CRLF2: variants seen among roughly 807,000 people sequenced by gnomAD.
CRLF2 encodes cytokine receptor like factor 2.
A neutral mutation model predicts 38.7 loss-of-function variants in CRLF2; 41 were observed. The ratio of observed to expected loss-of-function variants is 1.06; its 90% CI spans 0.83 to 1.37. The LOEUF (loss-of-function observed/expected upper bound fraction) is 1.37. Among genes scored for constraint, CRLF2 ranks in the 40% most tolerant of loss-of-function variants. The pLI is 0.00. For missense variants in CRLF2, 377 were observed against 322.2 expected, an observed-to-expected ratio of 1.17 and a Z score of -1.30; for synonymous variants, 140 against 128.8, an observed-to-expected ratio of 1.09 and a Z score of -0.59.
rs768665882 is a variant in CRLF2, at chrX:1,200,510, CAT to C, written c.484-1788_484-1787del. On this transcript the variant is annotated intron_variant, in intron 4 of 7. Coordinates refer to ENST00000400841, the MANE Select transcript of CRLF2 (RefSeq NM_022148.4). ...GCTGTGTATATAAGGTGCATATATA[CAT>C]ATATATACGTGTATATAAGCTGTGT... Among the ~76,000 whole-genome samples the C allele has an allele frequency of 8.0e-3, 1,194 of 149,356 alleles. 11 individuals carry two copies. The highest frequency in any genetic ancestry group is 0.026 in the African/African-American group (1,039 of 40,530).
At chrX:1,194,497 C>T (rs1485373457) in intron 6 of CRLF2, among the ~76,000 whole-genome samples, 5 of 152,030 alleles carry the variant, frequency 3.3e-5, no homozygotes, top group South Asian at 4.2e-4. Context: ...TAAGGTGTGA[C>T]GGACAGTGAG....
chrX:1,206,469 G>A lies in CRLF2; in HGVS notation c.313C>T (p.Pro105Ser), dbSNP rs1271369285. The A allele has an allele frequency of 6.2e-7, 1 of 1,613,566 alleles. No homozygotes were observed. The highest frequency in any genetic ancestry group is 1.3e-5 in the African/African-American group (1 of 74,998). The change falls in exon 3 of 8, where the codon CCC becomes TCC. Residue 105 changes from proline (P) to serine (S), a missense_variant. Transcript: ENST00000400841. Reference protein sequence around the residue: ...LYFSIRNGTHPVFTASRWMVY... With the variant: ...LYFSIRNGTHSVFTASRWMVY... The stretch of plus-strand genomic sequence containing the variant: ...ATCCAGCGACTTGCGGTGAAAACGG[G>A]GTGCGTCCCATTCCTGATGGAGAAA...
intron 1 of CRLF2, among the ~76,000 whole-genome samples, chrX:1,211,325 ATGGATGTATTG>A (rs2086795183): frequency 6.9e-6 from 1 of 144,192 alleles, no homozygotes; most frequent in Non-Finnish European, 1.5e-5. Context: ...GCATGGATAG[ATGGATGTATTG>A]GTGGGTGGAT....
At chrX:1,198,803 G>T in intron 4 of CRLF2, 79 bp from the exon 5 acceptor site, 1 of 1,336,740 alleles carries the variant, frequency 7.5e-7, no homozygotes, top group Admixed American at 2.0e-5. Context: ...GATGTAACCT[G>T]TCTGTCCAGA....
At chrX:1,208,466 G>A (rs1169534498) in intron 2 of CRLF2, among the ~76,000 whole-genome samples, 1 of 152,158 alleles carries the variant, frequency 6.6e-6, no homozygotes, top group Non-Finnish European at 1.5e-5. Context: ...GGCTGAGGCA[G>A]GGGAATGGCT....
At chrX:1,194,012 C>T (rs1328351178) in intron 6 of CRLF2, among the ~76,000 whole-genome samples, 1 of 151,726 alleles carries the variant, frequency 6.6e-6, no homozygotes, top group Non-Finnish European at 1.5e-5. Flanking sequence ...GTAATCCCAG[C>T]TACTTGGGAT....
At chrX:1,198,921 G>C in intron 4 of CRLF2, 197 bp from the exon 5 acceptor site, 2 of 620,134 alleles carry the variant, frequency 3.2e-6, no homozygotes, top group South Asian at 1.9e-5. Context: ...GGCTGAGGCG[G>C]GTGGATCACC....
intron 4 of CRLF2, chrX:1,199,125 G>C (rs1421341648): frequency 3.2e-6 from 1 of 311,796 alleles, no homozygotes; most frequent in Non-Finnish European, 6.3e-6. Context: ...CTCCAGCCTG[G>C]GTGACAGAGC....
At position 1,211,241 on chromosome X, in the gene CRLF2, GTGGGTGGATGGA is replaced by G. The variant is rs1310435175; in HGVS notation, c.79+1303_79+1314del. On this transcript the variant is annotated intron_variant, in intron 1 of 7. Transcript: ENST00000400841. ...CGTAGATGTGTACATGGATGGGTGG[GTGGGTGGATGGA>G]TGGGTGGATGGATGGATGGATGGAT... Among the ~76,000 whole-genome samples the G allele has an allele frequency of 1.4e-4, 20 of 143,540 alleles. No individual in the cohort carries two copies. In the South Asian group the frequency reaches 2.0e-3, roughly 14 times the overall value. The allele number at this position is 143,540 out of a possible 152,430, so 94.2% of individuals were successfully genotyped here.
intron 1 of CRLF2, among the ~76,000 whole-genome samples, chrX:1,209,644 T>C (rs1404547738): frequency 7.9e-5 from 12 of 152,250 alleles, no homozygotes; most frequent in African/African-American, 2.9e-4. Context: ...TTTGTTTTTG[T>C]TTTTGCAAAA....
In CRLF2 at chrX:1,190,679, C is replaced by T. The variant is rs2086359408; in HGVS notation, c.*218G>A. On this transcript the variant is annotated 3_prime_UTR_variant, in exon 8 of 8. Transcript: ENST00000400841. ...ATCTCCTGGAGCAATTGGCTCCCAT[C>T]TGCCATCAAGCCTTTGAACACAGAG... is the stretch of plus-strand genomic sequence containing the variant. 2.5e-6 allele frequency: 1 copy of T among 397,220 alleles called. No individual in the cohort carries two copies. Among genetic ancestry groups the T allele is most frequent in the Non-Finnish European group, 4.4e-6 (1 of 225,800 alleles). The allele number at this position is 397,220 out of a possible 1,614,324, so 24.6% of individuals were successfully genotyped here. A position where few individuals can be genotyped will look rare whatever the true frequency, so the allele number is the denominator to read the frequency against.
chrX:1,191,601 G>A (rs1324814868), intron 7 of CRLF2, among the ~76,000 whole-genome samples: 2 of 150,814 alleles, frequency 1.3e-5, no homozygotes, highest in Non-Finnish European at 1.5e-5. Flanking sequence ...GCGTGATCTC[G>A]GCTGACTGCA....
intron 3 of CRLF2, among the ~76,000 whole-genome samples, chrX:1,203,166 T>C (rs1215687448): frequency 6.7e-6 from 1 of 149,568 alleles, no homozygotes; most frequent in African/African-American, 2.5e-5. Flanking sequence ...TAGATTCAGT[T>C]AGTTAGGATG....
intron 7 of CRLF2, among the ~76,000 whole-genome samples, chrX:1,192,697 CT>C (rs1412450709): frequency 8.5e-6 from 1 of 117,092 alleles, no homozygotes; most frequent in Non-Finnish European, 1.8e-5. Context: ...CTTTCTTTTT[CT>C]TTTCTTTTCT....
intron 5 of CRLF2, 138 bp downstream of exon 5, chrX:1,198,424 C>T: frequency 1.5e-6 from 1 of 673,486 alleles, no homozygotes; most frequent in Admixed American, 2.0e-5. Context: ...CTCCCTCCCA[C>T]CTCCCAGGAA....
intron 7 of CRLF2, among the ~76,000 whole-genome samples, chrX:1,192,876 C>G (rs1401246345): frequency 6.7e-6 from 1 of 149,646 alleles, no homozygotes; most frequent in East Asian, 2.0e-4. Flanking sequence ...TGCAGTGGTA[C>G]AATCTCAGCT....
At chrX:1,195,868 TTAAA>T (rs2086464999) in intron 6 of CRLF2, among the ~76,000 whole-genome samples, 1 of 140,958 alleles carries the variant, frequency 7.1e-6, no homozygotes, top group East Asian at 2.0e-4. Context: ...ATAGATTAAA[TTAAA>T]TATATATTTT....
intron 4 of CRLF2, among the ~76,000 whole-genome samples, chrX:1,200,443 T>C (rs1259503337): frequency 6.6e-6 from 1 of 151,598 alleles, no homozygotes; most frequent in African/African-American, 2.4e-5. Context: ...TATGTGTTTA[T>C]ATAAGGTGTG....
At position 1,190,962 on chromosome X, in the gene CRLF2, C is replaced by T. The variant is rs2086363219; in HGVS notation, c.1051G>A (p.Gly351Ser). 1.5e-5 allele frequency: 6 copies of T among 398,694 alleles called. No homozygotes were observed. Among genetic ancestry groups the T allele is most frequent in the East Asian group, 7.1e-5 (2 of 28,070 alleles). The allele number at this position is 398,694 out of a possible 1,614,324, so 24.7% of individuals were successfully genotyped here. The change falls in exon 8 of 8, where the codon GGT becomes AGT. Residue 351 changes from glycine to serine, a missense_variant. By Grantham distance (56) the Gly-to-Ser change is moderately conservative (BLOSUM62 0). Transcript: ENST00000400841. ...AAGCCCCCGATTGTGACCACATCAC[C>T]GCCTTGGAGGGGCTGGTGGGGAAGC... is the stretch of plus-strand genomic sequence containing the variant. The part of the protein sequence containing the change: ...LQLPHQPLQG[G>S]DVVTIGGFTF...
Sources: gnomAD v4.1 joint callset for allele counts (sites outside exome capture counted in the v4.1 genomes callset) on GRCh38, gnomAD v4.1.1 for gene constraint, MANE v1.5 for transcripts, NCBI Gene and HGNC (gene_info 2026-07-23, HGNC 2026-07-21) for gene names.